ZNF683: variants seen among roughly 807,000 people sequenced by gnomAD.
The protein encoded by ZNF683 is zinc finger protein 683.
A neutral mutation model predicts 31.4 loss-of-function variants in ZNF683; 20 were observed. The ratio of observed to expected loss-of-function variants is 0.64; its 90% confidence interval spans 0.45 to 0.93. The LOEUF is 0.93. ZNF683 is among the 40% of genes least tolerant of loss of function. ZNF683 has a pLI of 0.00. For synonymous variants in ZNF683, 264 were observed against 267.6 expected, an observed-to-expected ratio of 0.99 and a Z score of 0.13; for missense variants, 621 against 637.2, an observed-to-expected ratio of 0.97 and a Z score of 0.27.
Position 26,363,140 on chromosome 1 carries a change from C to A in ZNF683, c.1029G>T (p.Val343=). 4 of 1,610,034 alleles carry A rather than the reference C, an allele frequency of 2.5e-6. No homozygotes were observed. Among genetic ancestry groups the A allele is most frequent in the Non-Finnish European group, 3.4e-6 (4 of 1,177,264 alleles). The stretch of plus-strand genomic sequence containing the variant: ...ACTGGAATGGACGCTCTCCACTGTG[C>A]ACACGCAGGTGGACCTGAGTCAGAT... ...QLSNLKVHLR[V]HSGERPFQCA... Residue 343 remains valine, a synonymous_variant, in exon 5 of 6, where the codon GTG becomes GTT. Coordinates refer to ENST00000349618, the MANE Select transcript of ZNF683 (RefSeq NM_001114759.3).
At chr1:26,370,598 C>T (rs900407673) in intron 1 of ZNF683, 1 of 961,374 alleles carries the variant, frequency 1.0e-6, no homozygotes, top group Non-Finnish European at 1.2e-6. Context: ...TTTCCTCACT[C>T]CTCCCAACGC....
Sources: gnomAD v4.1 joint callset for allele counts on GRCh38, gnomAD v4.1.1 for gene constraint, MANE v1.5 for transcripts, NCBI Gene and HGNC (gene_info 2026-07-23, HGNC 2026-07-21) for gene names.